The following PLRG1 variants were observed in gnomAD, a reference collection of about 807,000 sequenced individuals.
PLRG1 encodes pleiotropic regulator 1 (PRL1 homolog, Arabidopsis).
PLRG1 carries 28 observed loss-of-function variants against 74.9 expected under a neutral mutation model. That is an observed-to-expected ratio of 0.37 (90% CI 0.28 to 0.51). The LOEUF (loss-of-function observed/expected upper bound fraction) is 0.51. PLRG1 is among the 20% of genes least tolerant of loss of function. PLRG1 has a pLI of 0.91. For missense variants in PLRG1, 445 were observed against 631.9 expected (o/e 0.70, Z 3.17); for synonymous variants, 197 against 212.4 (o/e 0.93, Z 0.63).
Position 154,536,584 on chromosome 4 carries a change from C to T in PLRG1, c.*101G>A, listed in dbSNP as rs1488500662. 5.9e-6 allele frequency: 4 copies of T among 678,044 alleles called. No individual in the cohort carries two copies. The highest frequency in any genetic ancestry group is 5.6e-5 in the African/African-American group (3 of 53,642). The allele number at this position is 678,044 out of a possible 1,614,324, so 42.0% of individuals were successfully genotyped here. On this transcript the variant is annotated 3_prime_UTR_variant, in exon 15 of 15. Coordinates refer to ENST00000499023, the MANE Select transcript of PLRG1 (RefSeq NM_002669.4). ...AGCAAGTGAATTTCTCCTTTATATT[C>T]CCAGCCAGAGCACAAAATGACTGGA...
In PLRG1 at chr4:154,548,894, C is replaced by T. The variant is rs367635024; in HGVS notation, c.51G>A (p.Ser17=). The change falls in exon 2 of 15, where the codon TCG becomes TCA. Residue 17 remains serine (S), a synonymous_variant. Transcript: ENST00000499023. The stretch of plus-strand genomic sequence containing the variant: ...CAAACATGTCATGGGTCCTCTTCAA[C>T]GACCTGAACACAAGGGTGTGTACAG... ...KHSVHTLVFR[S]LKRTHDMFVA... The T allele has an allele frequency of 9.9e-6, 16 of 1,610,136 alleles. No individual in the cohort carries two copies. Among genetic ancestry groups the T allele is most frequent in the African/African-American group, 2.7e-5 (2 of 74,720 alleles).
intron 4 of PLRG1, 85 bp from the exon 5 acceptor site, chr4:154,546,298 T>C: frequency 4.1e-6 from 3 of 723,550 alleles, no homozygotes; most frequent in Non-Finnish European, 7.4e-6. Context: ...AAGGAAAACA[T>C]ACACCAAATG....
In PLRG1 at chr4:154,547,007, T is replaced by C; in HGVS notation, c.313+4A>G. 6.3e-7 allele frequency: 1 copy of C among 1,595,616 alleles called. No individual in the cohort carries two copies. The highest frequency in any genetic ancestry group is 8.6e-7 in the Non-Finnish European group (1 of 1,163,378). Reference sequence around the variant, plus strand: ...ACATTTTCAATATATAACAGCTCACTAACCAGGTCCTGGTGGGTATGGATG... The same window carrying C: ...ACATTTTCAATATATAACAGCTCACCAACCAGGTCCTGGTGGGTATGGATG... On this transcript the variant is annotated splice_donor_region_variant and intron_variant, in intron 4 of 14. Coordinates refer to ENST00000499023, the MANE Select transcript of PLRG1 (RefSeq NM_002669.4).
At chr4:154,541,174 T>A (rs1000855177) in intron 8 of PLRG1, among the ~76,000 whole-genome samples, 1 of 152,202 alleles carries the variant, frequency 6.6e-6, no homozygotes, top group African/African-American at 2.4e-5. Context: ...GTTATATAAA[T>A]GATATCTTTG....
In PLRG1 at chr4:154,548,879, AT is replaced by A; in HGVS notation, c.65del (p.His22LeufsTer5). On this transcript the variant is annotated frameshift_variant, in exon 2 of 15. Coordinates refer to ENST00000499023, the MANE Select transcript of PLRG1 (RefSeq NM_002669.4). LOFTEE classifies it high-confidence loss of function. Reference protein sequence around the residue: ...TLVFRSLKRTHDMFVADNGKP... With the variant: ...TLVFRSLKRTXDMFVADNGKP... ...TTCCATTATCAGCTACAAACATGTC[AT>A]GGGTCCTCTTCAACGACCTGAACAC... 6.2e-7 allele frequency: 1 copy of A among 1,612,230 alleles called. No homozygotes were observed. The highest frequency in any genetic ancestry group is 8.5e-7 in the Non-Finnish European group (1 of 1,178,384).
intron 7 of PLRG1, among the ~76,000 whole-genome samples, chr4:154,543,433 G>A (rs1368993196): frequency 6.6e-6 from 1 of 152,122 alleles, no homozygotes; most frequent in African/African-American, 2.4e-5. Flanking sequence ...ATAGGCATGA[G>A]CCACCATGCC....
intron 5 of PLRG1, 75 bp downstream of exon 5, chr4:154,546,048 A>G: frequency 8.9e-7 from 1 of 1,117,612 alleles, no homozygotes; most frequent in Non-Finnish European, 1.3e-6. Context: ...TAATAGTTAT[A>G]AAGAAATTTT....
At chr4:154,549,787 G>C (rs983595386) in intron 1 of PLRG1, 2 of 456,500 alleles carry the variant, frequency 4.4e-6, no homozygotes, top group East Asian at 6.9e-5. Context: ...AGCGGATATG[G>C]AGAAGAGTGA....
Position 154,535,729 on chromosome 4 carries a change from C to CT in PLRG1, c.*955dup, listed in dbSNP as rs1384557852. The CT allele has an allele frequency of 3.9e-5, 6 of 152,066 alleles. No individual in the cohort carries two copies. Among genetic ancestry groups the CT allele is most frequent in the African/African-American group, 1.4e-4 (6 of 41,416 alleles). 9.4% of individuals were successfully genotyped at this position (152,066 alleles called of 1,614,324 possible). On this transcript the variant is annotated 3_prime_UTR_variant, in exon 15 of 15. Transcript: ENST00000499023. The stretch of plus-strand genomic sequence containing the variant: ...CAGTATTAGAAACTTTAAAACTTCT[C>CT]TTTAAAATCTCCGCAAGATTGCAGC...
intron 1 of PLRG1, chr4:154,549,918 C>A: frequency 2.4e-6 from 1 of 418,682 alleles, no homozygotes; most frequent in Non-Finnish European, 4.5e-6. Flanking sequence ...AAATAAGAGA[C>A]GACCTGAACG....
chr4:154,537,561 A>C, intron 13 of PLRG1, 82 bp from the exon 14 acceptor site: 1 of 942,082 alleles, frequency 1.1e-6, no homozygotes, highest in Non-Finnish European at 1.7e-6. Context: ...CATTAGCCCA[A>C]GCATGGGAAT....
At chr4:154,548,761 C>A in intron 2 of PLRG1, 68 bp downstream of exon 2, 2 of 809,522 alleles carry the variant, frequency 2.5e-6, no homozygotes, top group Non-Finnish European at 4.3e-6. Context: ...ACTCCCTCTC[C>A]CTGCTCTCTT....
At chr4:154,547,916 A>C in intron 2 of PLRG1, 63 bp from the exon 3 acceptor site, 2 of 1,250,334 alleles carry the variant, frequency 1.6e-6, no homozygotes, top group South Asian at 1.4e-5. Context: ...CACTTAGCTT[A>C]AGTTTGCCCA....
In PLRG1 at chr4:154,536,247, T is replaced by C. The variant is rs1483934556; in HGVS notation, c.*438A>G. The C allele has an allele frequency of 3.1e-5, 5 of 162,500 alleles. No homozygotes were observed. Among genetic ancestry groups the C allele is most frequent in the Non-Finnish European group, 5.3e-5 (4 of 76,094 alleles). The allele number at this position is 162,500 out of a possible 1,614,324, so 10.1% of individuals were successfully genotyped here. A position where few individuals can be genotyped will look rare whatever the true frequency, so the allele number is the denominator to read the frequency against. On this transcript the variant is annotated 3_prime_UTR_variant, in exon 15 of 15. Transcript: ENST00000499023. ...ATACACTCAAAAACTGTTTTTGGAA[T>C]AAACATACATAAATTAAGACTTCAA...
chr4:154,536,312 T>C lies in PLRG1; in HGVS notation c.*373A>G, dbSNP rs1445919912. 1 of 166,884 alleles carries C rather than the reference T, an allele frequency of 6.0e-6. No homozygotes were observed. The highest frequency in any genetic ancestry group is 2.4e-5 in the African/African-American group (1 of 41,696). 10.3% of individuals were successfully genotyped at this position (166,884 alleles called of 1,614,324 possible). ...AATTATTAGTCACAGATGTTATTTTTTAAAGGACTAAAAAAAAACTACTGC... is the reference window on the plus strand; with the variant it reads ...AATTATTAGTCACAGATGTTATTTTCTAAAGGACTAAAAAAAAACTACTGC... On this transcript the variant is annotated 3_prime_UTR_variant, in exon 15 of 15. Transcript: ENST00000499023.
Position 154,536,580 on chromosome 4 carries a change from T to C in PLRG1, c.*105A>G, listed in dbSNP as rs1438443977. 21 of 671,006 alleles carry C rather than the reference T, an allele frequency of 3.1e-5. No homozygotes were observed. The highest frequency in any genetic ancestry group is 4.5e-5 in the Non-Finnish European group (17 of 379,216). The allele number at this position is 671,006 out of a possible 1,614,324, so 41.6% of individuals were successfully genotyped here. A position where few individuals can be genotyped will look rare whatever the true frequency, so the allele number is the denominator to read the frequency against. Reference sequence around the variant, plus strand: ...TTGAAGCAAGTGAATTTCTCCTTTATATTCCCAGCCAGAGCACAAAATGAC... The same window carrying C: ...TTGAAGCAAGTGAATTTCTCCTTTACATTCCCAGCCAGAGCACAAAATGAC... On this transcript the variant is annotated 3_prime_UTR_variant, in exon 15 of 15. Coordinates refer to ENST00000499023, the MANE Select transcript of PLRG1 (RefSeq NM_002669.4).
At chr4:154,545,975 A>G (rs1307095090) in intron 5 of PLRG1, 52 bp from the exon 6 acceptor site, 1 of 1,259,108 alleles carries the variant, frequency 7.9e-7, no homozygotes, top group African/African-American at 1.5e-5. Flanking sequence ...CCAGTCATGT[A>G]TTCTGCAAAA....
rs376181223 is a variant in PLRG1, at chr4:154,537,756, TA to T, written c.1291+212del. ...CCCAGCATAAATCCCTGAGATTCATTAGATGGGAACTCAAAGAGGACTAAGC... is the reference window on the plus strand; with the variant it reads ...CCCAGCATAAATCCCTGAGATTCATTGATGGGAACTCAAAGAGGACTAAGC... On this transcript the variant is annotated intron_variant, in intron 13 of 14. Transcript: ENST00000499023. Among the ~76,000 whole-genome samples, 50 of 152,174 alleles carry T rather than the reference TA, an allele frequency of 3.3e-4. No individual in the cohort carries two copies. In the East Asian group the frequency reaches 8.5e-3, roughly 26 times the overall value.
intron 1 of PLRG1, among the ~76,000 whole-genome samples, chr4:154,549,948 A>G (rs1454082950): frequency 6.6e-6 from 1 of 152,222 alleles, no homozygotes. Context: ...GAAGACTACC[A>G]ATCTTTTAGG....
Sources: allele counts gnomAD v4.1 joint callset (sites outside exome capture counted in the v4.1 genomes callset), GRCh38; gene constraint gnomAD v4.1.1; transcripts MANE v1.5; gene names NCBI Gene and HGNC (gene_info 2026-07-23, HGNC 2026-07-21).